The following SUPT3H variants were observed in gnomAD, a reference collection of about 807,000 sequenced individuals.
SUPT3H encodes the protein SPT3 homolog, SAGA and STAGA complex component, also known as transcription initiation protein SPT3 homolog.
In SUPT3H, 44 loss-of-function variants were observed where a neutral mutation model predicts 44.3. The observed-to-expected ratio is 0.99, with a 90% CI of 0.78 to 1.28. SUPT3H has a LOEUF of 1.28. Among genes scored for constraint, SUPT3H ranks in the 50% most tolerant of loss-of-function variants. The probability of loss-of-function intolerance (pLI) is 0.00; values close to 1 mark genes in which losing one functional copy is unlikely to be tolerated. For missense variants in SUPT3H, 380 were observed against 387.1 expected, an observed-to-expected ratio of 0.98 and a Z score of 0.15; for synonymous variants, 124 against 125.6, an observed-to-expected ratio of 0.99 and a Z score of 0.09.
chr6:44,953,990 G>A (rs1774718320), intron 8 of SUPT3H, among the ~76,000 whole-genome samples: 2 of 151,972 alleles, frequency 1.3e-5, no homozygotes, highest in Admixed American at 6.6e-5. Flanking sequence ...CACCCACCTC[G>A]GCCTCCCAAA....
intron 2 of SUPT3H, among the ~76,000 whole-genome samples, chr6:45,235,432 A>T (rs1361093223): frequency 6.6e-6 from 1 of 152,138 alleles, no homozygotes; most frequent in Non-Finnish European, 1.5e-5. Flanking sequence ...TATAAATATT[A>T]TTAGGGAAAG....
At chr6:44,877,329 C>A (rs553427551) in intron 10 of SUPT3H, among the ~76,000 whole-genome samples, 1 of 152,014 alleles carries the variant, frequency 6.6e-6, no homozygotes, top group South Asian at 2.1e-4. Context: ...ATTAGCCAGG[C>A]GTGGTGGCGC....
At chr6:44,908,140 C>CT (rs983361285) in intron 10 of SUPT3H, among the ~76,000 whole-genome samples, 1 of 149,810 alleles carries the variant, frequency 6.7e-6, no homozygotes, top group Admixed American at 6.8e-5. Flanking sequence ...TTAGAAATAA[C>CT]TTTTTTTTCT....
intron 3 of SUPT3H, among the ~76,000 whole-genome samples, chr6:45,047,567 G>C (rs867162128): frequency 6.6e-6 from 1 of 152,148 alleles, no homozygotes; most frequent in Non-Finnish European, 1.5e-5. Flanking sequence ...AGCAGCTATA[G>C]AAAGAAGGTT....
chr6:44,940,216 T>C (rs139941511), intron 9 of SUPT3H, among the ~76,000 whole-genome samples: 1 of 152,234 alleles, frequency 6.6e-6, no homozygotes, highest in East Asian at 1.9e-4. Flanking sequence ...ATGCTTTTGC[T>C]GTATACCACA....
intron 2 of SUPT3H, among the ~76,000 whole-genome samples, chr6:45,360,585 A>G (rs1202044022): frequency 6.6e-6 from 1 of 152,208 alleles, no homozygotes; most frequent in Non-Finnish European, 1.5e-5. Context: ...TTCACAGCTC[A>G]TATCTTCATA....
chr6:45,134,876 G>A lies in SUPT3H; in HGVS notation c.102-28870C>T, dbSNP rs183998457. On this transcript the variant is annotated intron_variant, in intron 2 of 10. Coordinates refer to ENST00000371459, the MANE Select transcript of SUPT3H (RefSeq NM_003599.4). Reference sequence around the variant, plus strand: ...GGCCTTGTTCCCATGGCTCCACTACGCACTGCCTTGGTGGAGACTCTCTGT... The same window carrying A: ...GGCCTTGTTCCCATGGCTCCACTACACACTGCCTTGGTGGAGACTCTCTGT... Among the ~76,000 whole-genome samples the A allele has an allele frequency of 2.2e-4, 34 of 152,272 alleles. 2 individuals are homozygous for A. In the South Asian group the frequency reaches 3.3e-3, roughly 15 times the overall value.
intron 2 of SUPT3H, among the ~76,000 whole-genome samples, chr6:45,187,230 C>T (rs1010854794): frequency 2.6e-5 from 4 of 150,984 alleles, no homozygotes; most frequent in East Asian, 1.9e-4. Flanking sequence ...GCCTGGCCAA[C>T]GTGGCGAAAC....
At chr6:45,015,614 T>C (rs1424100500) in intron 4 of SUPT3H, among the ~76,000 whole-genome samples, 4 of 152,140 alleles carry the variant, frequency 2.6e-5, no homozygotes, top group African/African-American at 9.7e-5. Flanking sequence ...TTTTACTTTA[T>C]AGACTTAATT....
At chr6:44,943,152 G>C (rs532618225) in intron 9 of SUPT3H, among the ~76,000 whole-genome samples, 116 of 151,580 alleles carry the variant, frequency 7.7e-4, no homozygotes, top group African/African-American at 2.8e-3. Flanking sequence ...GTAACAAACG[G>C]ACAAATAAAA....
chr6:44,999,044 T>TTCAA (rs1781654527), intron 6 of SUPT3H, among the ~76,000 whole-genome samples: 1 of 152,048 alleles, frequency 6.6e-6, no homozygotes, highest in Non-Finnish European at 1.5e-5. Flanking sequence ...CTTTTTAATT[T>TTCAA]TCAATCAGTC....
intron 10 of SUPT3H, among the ~76,000 whole-genome samples, chr6:44,850,640 TG>T (rs1772706069): frequency 1.3e-5 from 2 of 152,200 alleles, no homozygotes; most frequent in African/African-American, 4.8e-5. Flanking sequence ...AAAGGAGTCT[TG>T]GAAGTTTATG....
At chr6:44,971,056 A>C (rs933688564) in intron 6 of SUPT3H, among the ~76,000 whole-genome samples, 1 of 152,196 alleles carries the variant, frequency 6.6e-6, no homozygotes, top group East Asian at 1.9e-4. Context: ...TCTGTAAAGA[A>C]CAAAGGAGCC....
intron 9 of SUPT3H, among the ~76,000 whole-genome samples, chr6:44,950,078 A>G (rs1433866529): frequency 6.6e-6 from 1 of 152,238 alleles, no homozygotes; most frequent in Non-Finnish European, 1.5e-5. Context: ...TGTTCAAGGA[A>G]GTCTGTTCTT....
chr6:45,065,817 G>T (rs1313194223), intron 3 of SUPT3H, among the ~76,000 whole-genome samples: 3 of 151,210 alleles, frequency 2.0e-5, no homozygotes, highest in Non-Finnish European at 4.4e-5. Context: ...GGCAATAATC[G>T]ATAGTTTACC....
At chr6:45,361,144 A>C (rs912947780) in intron 2 of SUPT3H, among the ~76,000 whole-genome samples, 1 of 152,220 alleles carries the variant, frequency 6.6e-6, no homozygotes, top group Admixed American at 6.5e-5. Context: ...AAAATTGCAG[A>C]ACTGTACAAT....
chr6:45,221,764 T>C (rs1766100715), intron 2 of SUPT3H, among the ~76,000 whole-genome samples: 2 of 152,180 alleles, frequency 1.3e-5, no homozygotes, highest in Non-Finnish European at 2.9e-5. Flanking sequence ...TCTCACTTCA[T>C]GGTCACAATA....
At chr6:45,321,754 T>C in intron 2 of SUPT3H, 2 of 1,376,106 alleles carry the variant, frequency 1.5e-6, no homozygotes, top group Non-Finnish European at 2.1e-6. Context: ...CATAAACTTG[T>C]TCTCTTGAAA....
intron 10 of SUPT3H, among the ~76,000 whole-genome samples, chr6:44,920,565 CAAAAAAA>C (rs5875898): frequency 8.8e-6 from 1 of 113,476 alleles, no homozygotes; most frequent in East Asian, 3.0e-4. Context: ...TTGTTTCTTT[CAAAAAAA>C]AAAAAAAAAA....
Sources: allele counts gnomAD v4.1 joint callset (sites outside exome capture counted in the v4.1 genomes callset), GRCh38; gene constraint gnomAD v4.1.1; transcripts MANE v1.5; gene names NCBI Gene and HGNC (gene_info 2026-07-23, HGNC 2026-07-21).